The following NPR3 variants were observed in gnomAD, a reference collection of about 807,000 sequenced individuals.
NPR3 encodes the protein atrial natriuretic peptide receptor 3.
A neutral mutation model predicts 54.5 loss-of-function variants in NPR3; 34 were observed. The ratio of observed to expected loss-of-function variants is 0.62; its 90% confidence interval spans 0.47 to 0.83. NPR3 has a LOEUF of 0.83. Ranked by LOEUF, NPR3 falls within the 40% of genes least tolerant of loss-of-function variation. NPR3 has a pLI of 0.00. For synonymous variants in NPR3, 289 were observed against 297.1 expected, an observed-to-expected ratio of 0.97 and a Z score of 0.28; for missense variants, 674 against 720.8, an observed-to-expected ratio of 0.94 and a Z score of 0.74.
intron 1 of NPR3, among the ~76,000 whole-genome samples, chr5:32,721,930 G>A (rs917061519): frequency 4.6e-5 from 7 of 152,126 alleles, no homozygotes; most frequent in African/African-American, 1.7e-4. Context: ...GCCAGCTCAG[G>A]TCTCTCTTCC....
At position 32,789,655 on chromosome 5, in the gene NPR3, G is replaced by T. The variant is rs909839172; in HGVS notation, c.*3310G>T. 3.7e-6 allele frequency: 2 copies of T among 534,510 alleles called. No homozygotes were observed. Among genetic ancestry groups the T allele is most frequent in the Admixed American group, 1.9e-5 (1 of 51,566 alleles). The allele number at this position is 534,510 out of a possible 1,614,324, so 33.1% of individuals were successfully genotyped here. On this transcript the variant is annotated 3_prime_UTR_variant, in exon 8 of 8. Coordinates refer to ENST00000265074, the MANE Select transcript of NPR3 (RefSeq NM_001204375.2). ...CTTCTAAAATCATTAATTTACTCAA[G>T]GCACATGTGCCTTCTTTGCCCCAAA...
At chr5:32,730,565 G>T (rs1739397941) in intron 2 of NPR3, among the ~76,000 whole-genome samples, 1 of 152,158 alleles carries the variant, frequency 6.6e-6, no homozygotes, top group African/African-American at 2.4e-5. Context: ...GGCTGTCTAT[G>T]TAGAGAATCC....
At chr5:32,757,557 T>G (rs950225815) in intron 3 of NPR3, among the ~76,000 whole-genome samples, 1 of 152,216 alleles carries the variant, frequency 6.6e-6, no homozygotes, top group African/African-American at 2.4e-5. Flanking sequence ...CAGGGACAGT[T>G]TGACTTCCTC....
rs867813425 is a variant in NPR3, at chr5:32,717,027, C to T, written c.769+4482C>T. On this transcript the variant is annotated intron_variant, in intron 1 of 7. Transcript: ENST00000265074. ...CCACCCCCCACCCCCTGACAGGCCCCGGTGTGTGATGTTTCCCGCCCTGTG... is the reference window on the plus strand; with the variant it reads ...CCACCCCCCACCCCCTGACAGGCCCTGGTGTGTGATGTTTCCCGCCCTGTG... Among the ~76,000 whole-genome samples, 60 of 144,500 alleles carry T rather than the reference C, an allele frequency of 4.2e-4. 1 individual carries two copies. Among genetic ancestry groups the T allele is most frequent in the Middle Eastern group, 3.5e-3 (1 of 288 alleles). 94.8% of individuals were successfully genotyped at this position (144,500 alleles called of 152,430 possible). A position where few individuals can be genotyped will look rare whatever the true frequency, so the allele number is the denominator to read the frequency against.
chr5:32,773,366 T>C (rs769429489), intron 3 of NPR3, among the ~76,000 whole-genome samples: 2 of 152,188 alleles, frequency 1.3e-5, no homozygotes, highest in Non-Finnish European at 2.9e-5. Context: ...TACCAAAGGT[T>C]GCTTTTAATG....
intron 1 of NPR3, among the ~76,000 whole-genome samples, chr5:32,695,248 G>C (rs1340528376): frequency 6.6e-6 from 1 of 152,110 alleles, no homozygotes; most frequent in African/African-American, 2.4e-5. Context: ...GGATTTTACG[G>C]TAGCTCTATT....
At chr5:32,704,172 C>T (rs1003219612) in intron 1 of NPR3, among the ~76,000 whole-genome samples, 1 of 152,172 alleles carries the variant, frequency 6.6e-6, no homozygotes, top group African/African-American at 2.4e-5. Flanking sequence ...ACAGTCATTG[C>T]ACTCTGTCTC....
intron 3 of NPR3, among the ~76,000 whole-genome samples, chr5:32,770,097 TTCTTCCA>T (rs1235668050): frequency 2.6e-5 from 4 of 152,156 alleles, no homozygotes; most frequent in African/African-American, 9.7e-5. Context: ...CAAAACAGTG[TTCTTCCA>T]TTCTGGCCAG....
At chr5:32,713,463 C>A (rs766705615) in intron 1 of NPR3, 26 of 985,366 alleles carry the variant, frequency 2.6e-5, no homozygotes, top group Non-Finnish European at 3.1e-5. Flanking sequence ...GGAAGGCGGA[C>A]TGAGATGCCG....
At chr5:32,774,629 A>G in intron 3 of NPR3, 79 bp from the exon 4 acceptor site, 1 of 1,078,064 alleles carries the variant, frequency 9.3e-7, no homozygotes, top group Non-Finnish European at 1.4e-6. Flanking sequence ...CTAACTTGTT[A>G]ACGCTTTGGA....
At chr5:32,780,264 G>A (rs1229393893) in intron 4 of NPR3, among the ~76,000 whole-genome samples, 1 of 152,184 alleles carries the variant, frequency 6.6e-6, no homozygotes, top group Non-Finnish European at 1.5e-5. Context: ...GTGTATTAAA[G>A]CAGCCTGGAG....
At chr5:32,784,215 G>A (rs1742488687) in intron 6 of NPR3, among the ~76,000 whole-genome samples, 1 of 152,160 alleles carries the variant, frequency 6.6e-6, no homozygotes, top group Non-Finnish European at 1.5e-5. Flanking sequence ...TTTTGAGATA[G>A]TCTTGCTGTC....
intron 4 of NPR3, among the ~76,000 whole-genome samples, chr5:32,779,325 A>T (rs1369122213): frequency 6.6e-6 from 1 of 152,250 alleles, no homozygotes; most frequent in Non-Finnish European, 1.5e-5. Context: ...AGTTAATTAA[A>T]ATGGGGCTGA....
Position 32,711,834 on chromosome 5 carries a change from C to A in NPR3, c.58C>A (p.Leu20Met). 1 of 1,460,058 alleles carries A rather than the reference C, an allele frequency of 6.8e-7. No individual in the cohort carries two copies. Among genetic ancestry groups the A allele is most frequent in the Non-Finnish European group, 9.0e-7 (1 of 1,107,736 alleles). 90.4% of individuals were successfully genotyped at this position (1,460,058 alleles called of 1,614,324 possible). Residue 20 changes from leucine to methionine, a missense_variant, in exon 1 of 8, where the codon CTG (leucine) becomes ATG (methionine). Leu to Met is a conservative substitution (Grantham distance 15). Transcript: ENST00000265074. ...SPCVLLGWALLAGGTGGGGVG... is the reference protein window; with the variant it reads ...SPCVLLGWALMAGGTGGGGVG... ...GTGCGTACTACTCGGCTGGGCGTTG[C>A]TGGCCGGCGGCACCGGTGGCGGTGG...
intron 3 of NPR3, among the ~76,000 whole-genome samples, chr5:32,771,357 C>T (rs1200865118): frequency 6.6e-6 from 1 of 152,192 alleles, no homozygotes; most frequent in African/African-American, 2.4e-5. Flanking sequence ...TTTTGCGATC[C>T]ATTTGCAAAT....
At chr5:32,707,033 T>C (rs1250308471), upstream of NPR3, among the ~76,000 whole-genome samples, 3 of 152,234 alleles carry the variant, frequency 2.0e-5, no homozygotes, top group African/African-American at 7.2e-5. Context: ...TTAACTTGTC[T>C]ATAAATCAAT....
upstream of NPR3, chr5:32,710,874 T>TTTTTTTTTTTTTCA: frequency 8.7e-7 from 1 of 1,151,402 alleles, no homozygotes; most frequent in Non-Finnish European, 1.2e-6. Context: ...TTTTTTTTTT[T>TTTTTTTTTTTTTCA]GCACGGTGTG....
upstream of NPR3, chr5:32,710,922 G>C: frequency 1.3e-6 from 1 of 746,506 alleles, no homozygotes; most frequent in Non-Finnish European, 1.9e-6. Flanking sequence ...GTGTGTATGT[G>C]TGCGTGCGCG....
rs1225134106 is a variant in NPR3 at position 32,711,744 on chromosome 5, C to A, written c.-33C>A. On this transcript the variant is annotated 5_prime_UTR_variant, in exon 1 of 8. Coordinates refer to ENST00000265074, the MANE Select transcript of NPR3 (RefSeq NM_001204375.2). ...GGGTGGGGGGCAGAGGGCGAGTCGGCGGCGGCGAGGGCAAGCTCTTTCTTG... is the reference window on the plus strand; with the variant it reads ...GGGTGGGGGGCAGAGGGCGAGTCGGAGGCGGCGAGGGCAAGCTCTTTCTTG... 2.8e-6 allele frequency: 4 copies of A among 1,410,516 alleles called. No homozygotes were observed. The highest frequency in any genetic ancestry group is 3.7e-6 in the Non-Finnish European group (4 of 1,083,154). The allele number at this position is 1,410,516 out of a possible 1,614,324, so 87.4% of individuals were successfully genotyped here.
Sources: allele counts gnomAD v4.1 joint callset (sites outside exome capture counted in the v4.1 genomes callset), GRCh38; gene constraint gnomAD v4.1.1; transcripts MANE v1.5; gene names NCBI Gene and HGNC (gene_info 2026-07-23, HGNC 2026-07-21).